SPATC1: variants seen among roughly 807,000 people sequenced by gnomAD.
SPATC1 encodes the protein speriolin.
In SPATC1, 35 loss-of-function variants were observed where a neutral mutation model predicts 36.5. That is an observed-to-expected ratio of 0.96 (90% CI 0.73 to 1.27). SPATC1 has a LOEUF of 1.27. Among genes scored for constraint, SPATC1 ranks in the 50% most tolerant of loss-of-function variants. The pLI is 0.00. For missense variants in SPATC1, 779 were observed against 796.0 expected (o/e 0.98, Z 0.26); for synonymous variants, 361 against 353.6 (o/e 1.02, Z -0.24).
intron 1 of SPATC1, among the ~76,000 whole-genome samples, chr8:144,015,037 T>TAA (rs1554752975): frequency 1.4e-5 from 2 of 145,732 alleles, no homozygotes; most frequent in African/African-American, 5.7e-5. Context: ...TTTTAAATAT[T>TAA]TAAAATTTTT....
intron 1 of SPATC1, among the ~76,000 whole-genome samples, chr8:144,026,814 T>C (rs1292737693): frequency 1.4e-5 from 2 of 148,140 alleles, no homozygotes; most frequent in Non-Finnish European, 3.0e-5. Context: ...TTTTTCTTTT[T>C]TTTTTTTTTT....
At chr8:144,030,422 C>T (rs1377001899) in intron 1 of SPATC1, among the ~76,000 whole-genome samples, 8 of 152,342 alleles carry the variant, frequency 5.3e-5, no homozygotes, top group African/African-American at 1.4e-4. Flanking sequence ...TGCAGTGGCA[C>T]GTCTCAGCTC....
intron 1 of SPATC1, among the ~76,000 whole-genome samples, chr8:144,017,903 A>T (rs1037733208): frequency 6.6e-6 from 1 of 152,204 alleles, no homozygotes; most frequent in Non-Finnish European, 1.5e-5. Context: ...ATGTCCACAC[A>T]ACATCCACGT....
rs1388593878 is a variant in SPATC1, at chr8:144,023,615, C to A, written c.211+10889C>A. 6.3e-5 allele frequency among the ~76,000 whole-genome samples: 6 copies of A among 95,132 alleles called. 1 individual carries two copies. The highest frequency in any genetic ancestry group is 2.2e-4 in the African/African-American group (5 of 22,664). The allele number at this position is 95,132 out of a possible 152,430, so 62.4% of individuals were successfully genotyped here. ...CAGGACACACTTCCCTGAAAACGCTCTTCCCTCAGGACCCTCTTCCCTGAG... is the reference window on the plus strand; with the variant it reads ...CAGGACACACTTCCCTGAAAACGCTATTCCCTCAGGACCCTCTTCCCTGAG... On this transcript the variant is annotated intron_variant, in intron 1 of 4. Coordinates refer to ENST00000377470, the MANE Select transcript of SPATC1 (RefSeq NM_198572.3).
At chr8:144,022,845 G>A (rs1834567285) in intron 1 of SPATC1, among the ~76,000 whole-genome samples, 1 of 144,980 alleles carries the variant, frequency 6.9e-6, no homozygotes, top group African/African-American at 2.6e-5. Flanking sequence ...CTTCTTCCCT[G>A]AGGACCCTCT....
chr8:144,039,508 T>C (rs1835003328), intron 1 of SPATC1, among the ~76,000 whole-genome samples: 1 of 152,062 alleles, frequency 6.6e-6, no homozygotes, highest in South Asian at 2.1e-4. Flanking sequence ...GGGGCCAACT[T>C]GGTGACCTGA....
intron 1 of SPATC1, among the ~76,000 whole-genome samples, chr8:144,036,418 G>A (rs1178982749): frequency 2.0e-5 from 3 of 152,068 alleles, no homozygotes; most frequent in African/African-American, 7.2e-5. Context: ...CCAACCTCCT[G>A]GGATCAGGTG....
chr8:144,042,655 A>C (rs1835147846), intron 4 of SPATC1, among the ~76,000 whole-genome samples: 1 of 151,996 alleles, frequency 6.6e-6, no homozygotes, highest in Non-Finnish European at 1.5e-5. Flanking sequence ...ACAGGCGTCC[A>C]TGTAAGCTGT....
chr8:144,037,911 T>G (rs141104961), intron 1 of SPATC1, among the ~76,000 whole-genome samples: 2 of 151,492 alleles, frequency 1.3e-5, no homozygotes, highest in Non-Finnish European at 1.5e-5. Flanking sequence ...GGGCAGATCA[T>G]GAGGTCAGGA....
intron 1 of SPATC1, among the ~76,000 whole-genome samples, chr8:144,037,168 C>A (rs1834920325): frequency 7.7e-6 from 1 of 130,416 alleles, no homozygotes; most frequent in African/African-American, 3.1e-5. Flanking sequence ...CCCCACCCAG[C>A]CGGCCGCCCC....
intron 4 of SPATC1, among the ~76,000 whole-genome samples, chr8:144,044,755 T>C (rs1165192460): frequency 6.6e-6 from 1 of 151,940 alleles, no homozygotes; most frequent in Non-Finnish European, 1.5e-5. Flanking sequence ...GAGACCAGCC[T>C]GGCCAATGTG....
intron 1 of SPATC1, among the ~76,000 whole-genome samples, chr8:144,033,406 A>C (rs1834837037): frequency 6.6e-6 from 1 of 152,146 alleles, no homozygotes; most frequent in Admixed American, 6.6e-5. Flanking sequence ...TCTCAAAAAA[A>C]AAAAAAGAAA....
intron 1 of SPATC1, among the ~76,000 whole-genome samples, chr8:144,028,303 T>A (rs1429922404): frequency 1.3e-5 from 2 of 151,350 alleles, no homozygotes; most frequent in Admixed American, 1.3e-4. Context: ...TTGCAACCTA[T>A]CCATCTGACA....
intron 4 of SPATC1, among the ~76,000 whole-genome samples, chr8:144,044,515 C>T (rs1194393352): frequency 2.0e-5 from 3 of 148,788 alleles, no homozygotes; most frequent in African/African-American, 7.4e-5. Flanking sequence ...TCACAGTGTT[C>T]GCCAGGATGG....
At chr8:144,035,645 G>A (rs1303239984) in intron 1 of SPATC1, among the ~76,000 whole-genome samples, 1 of 152,242 alleles carries the variant, frequency 6.6e-6, no homozygotes, top group Non-Finnish European at 1.5e-5. Context: ...ACGAGACCAT[G>A]GCCTGTCCAG....
At chr8:144,041,449 G>C (rs1339594907) in intron 4 of SPATC1, 78 bp downstream of exon 4, 2 of 1,549,226 alleles carry the variant, frequency 1.3e-6, no homozygotes, top group East Asian at 2.3e-5. Flanking sequence ...ACTCTGGCCA[G>C]GCCAAACTTG....
intron 4 of SPATC1, among the ~76,000 whole-genome samples, chr8:144,044,402 C>A (rs56316167): frequency 1.4e-3 from 206 of 150,426 alleles, no homozygotes; most frequent in African/African-American, 4.8e-3. Flanking sequence ...CACGGGTTCA[C>A]GCCATTCTCC....
intron 1 of SPATC1, among the ~76,000 whole-genome samples, chr8:144,037,219 G>A (rs1834924348): frequency 7.0e-6 from 1 of 141,960 alleles, no homozygotes; most frequent in Non-Finnish European, 1.5e-5. Context: ...CCGCCCAGCC[G>A]GCCGCCCCGC....
chr8:144,042,777 T>C (rs1260987712), intron 4 of SPATC1, among the ~76,000 whole-genome samples: 1 of 152,090 alleles, frequency 6.6e-6, no homozygotes, highest in Non-Finnish European at 1.5e-5. Context: ...AATCCTGCAC[T>C]CTTGAGGACG....
Sources: gnomAD v4.1 joint callset for allele counts (sites outside exome capture counted in the v4.1 genomes callset) on GRCh38, gnomAD v4.1.1 for gene constraint, MANE v1.5 for transcripts, NCBI Gene and HGNC (gene_info 2026-07-23, HGNC 2026-07-21) for gene names.